Variants in TTC13 observed in about 807,000 individuals in gnomAD.
The protein encoded by TTC13 is tetratricopeptide repeat protein 13.
In TTC13, 62 loss-of-function variants were observed where a neutral mutation model predicts 120.0. The ratio of observed to expected loss-of-function variants is 0.52; its 90% confidence interval spans 0.42 to 0.64. The LOEUF (loss-of-function observed/expected upper bound fraction) is 0.64. Ranked by LOEUF, TTC13 falls within the 30% of genes least tolerant of loss-of-function variation. The pLI is 0.00. For missense variants in TTC13, 824 were observed against 1,050.2 expected (o/e 0.78, Z 2.98); for synonymous variants, 384 against 393.5 (o/e 0.98, Z 0.28).
rs746933681 is a variant in TTC13 at position 230,911,553 on chromosome 1, GA to G, written c.2230-5del. 2.7e-4 allele frequency: 396 copies of G among 1,493,892 alleles called. 3 individuals carry two copies. Among genetic ancestry groups the G allele is most frequent in the South Asian group, 2.3e-3 (191 of 82,196 alleles). 92.5% of individuals were successfully genotyped at this position (1,493,892 alleles called of 1,614,324 possible). The stretch of plus-strand genomic sequence containing the variant: ...AGTTGCAGACAGCATCAGCCTCCTA[GA>G]AAAAAAAGATACAGACTCATAAATA... On this transcript the variant is annotated splice_region_variant and splice_polypyrimidine_tract_variant and intron_variant, in intron 19 of 22. Coordinates refer to ENST00000366661, the MANE Select transcript of TTC13 (RefSeq NM_024525.5).
chr1:230,925,690 A>G (rs1433341120), intron 12 of TTC13, 43 bp from the exon 13 acceptor site: 2 of 1,608,214 alleles, frequency 1.2e-6, no homozygotes, highest in Admixed American at 1.7e-5. Flanking sequence ...TTTACAACAG[A>G]CATTTGGTAA....
chr1:230,922,677 T>C (rs557104632), intron 15 of TTC13, among the ~76,000 whole-genome samples: 3 of 152,280 alleles, frequency 2.0e-5, no homozygotes, highest in East Asian at 1.9e-4. Flanking sequence ...CCCACCTCTC[T>C]CTGTTTTCCA....
At position 230,974,543 on chromosome 1, in the gene TTC13, G is replaced by A. The variant is rs535825599; in HGVS notation, c.271+4017C>T. 2.0e-5 allele frequency among the ~76,000 whole-genome samples: 3 copies of A among 152,248 alleles called. No homozygotes were observed. The South Asian group carries it at 6.2e-4, about 32-fold the overall frequency. On this transcript the variant is annotated intron_variant, in intron 1 of 22. Transcript: ENST00000366661. The stretch of plus-strand genomic sequence containing the variant: ...CAGGTCTGTAGCCTAGAAGCAATAG[G>A]CTATACCATACAACCAAGGTGTGTA...
At chr1:230,975,709 G>C (rs1678230799) in intron 1 of TTC13, among the ~76,000 whole-genome samples, 1 of 152,124 alleles carries the variant, frequency 6.6e-6, no homozygotes, top group South Asian at 2.1e-4. Flanking sequence ...ATGTAAAAAT[G>C]TGGAGTAGAA....
chr1:230,955,315 T>G (rs1437045748), intron 3 of TTC13, among the ~76,000 whole-genome samples: 1 of 152,088 alleles, frequency 6.6e-6, no homozygotes, highest in Non-Finnish European at 1.5e-5. Context: ...TTCAAGAAGA[T>G]AGGCAATGAA....
chr1:230,972,181 A>G (rs1558228558), intron 1 of TTC13, among the ~76,000 whole-genome samples: 1 of 152,252 alleles, frequency 6.6e-6, no homozygotes, highest in Non-Finnish European at 1.5e-5. Flanking sequence ...AGTCCACTGC[A>G]TGGTGCTGGA....
At chr1:230,921,764 C>T (rs890257922) in intron 15 of TTC13, among the ~76,000 whole-genome samples, 8 of 152,294 alleles carry the variant, frequency 5.3e-5, no homozygotes, top group African/African-American at 1.9e-4. Flanking sequence ...ACAAATCCCC[C>T]AGCACTAAAG....
intron 17 of TTC13, chr1:230,920,182 G>A (rs1482190401): frequency 9.7e-6 from 2 of 205,498 alleles, no homozygotes; most frequent in Admixed American, 6.0e-5. Context: ...ATTAGCCAGT[G>A]CCTGAAAATA....
Position 230,912,058 on chromosome 1 carries a change from C to G in TTC13, c.2230-509G>C, listed in dbSNP as rs544655091. 2.0e-5 allele frequency among the ~76,000 whole-genome samples: 3 copies of G among 152,196 alleles called. No homozygotes were observed. The South Asian group carries it at 6.2e-4, about 32-fold the overall frequency. ...TGACTTTTCAAGGGTAAGGGGCACCCGTCCACTGCAGAACACAGAGAAGGG... is the reference window on the plus strand; with the variant it reads ...TGACTTTTCAAGGGTAAGGGGCACCGGTCCACTGCAGAACACAGAGAAGGG... On this transcript the variant is annotated intron_variant, in intron 19 of 22. Transcript: ENST00000366661.
intron 4 of TTC13, among the ~76,000 whole-genome samples, chr1:230,947,561 TAA>T (rs111729455): frequency 7.0e-6 from 1 of 143,152 alleles, no homozygotes. Context: ...ACTAATGAGC[TAA>T]AAAAAAAAAA....
chr1:230,957,269 T>A (rs1676178884), intron 3 of TTC13, among the ~76,000 whole-genome samples: 1 of 152,124 alleles, frequency 6.6e-6, no homozygotes. Flanking sequence ...AGTACTGGTC[T>A]CTACAAAACA....
Position 230,923,949 on chromosome 1 carries a change from CT to C in TTC13, c.1722-17del. 1 of 1,597,380 alleles carries C rather than the reference CT, an allele frequency of 6.3e-7. No homozygotes were observed. Among genetic ancestry groups the C allele is most frequent in the Non-Finnish European group, 8.6e-7 (1 of 1,167,600 alleles). On this transcript the variant is annotated splice_polypyrimidine_tract_variant and intron_variant, in intron 14 of 22. Transcript: ENST00000366661. ...GTCAGCAATCCTATAAAACAGAGAC[CT>C]TTATAAAACCAGAAGTGTTCAGAAG... is the stretch of plus-strand genomic sequence containing the variant.
intron 9 of TTC13, among the ~76,000 whole-genome samples, chr1:230,932,480 C>T (rs1353393756): frequency 2.0e-5 from 3 of 152,188 alleles, no homozygotes; most frequent in Admixed American, 1.3e-4. Flanking sequence ...GGTCTCACTG[C>T]ATTGCTCAGG....
rs145205225 is a variant in TTC13, at chr1:230,963,635, A to AAAATAAATAAATAAAT, written c.272-2348_272-2333dup. 7.9e-3 allele frequency among the ~76,000 whole-genome samples: 1,152 copies of AAAATAAATAAATAAAT among 146,166 alleles called. 15 individuals carry two copies. Among genetic ancestry groups the AAAATAAATAAATAAAT allele is most frequent in the African/African-American group, 0.027 (1,050 of 38,700 alleles). On this transcript the variant is annotated intron_variant, in intron 1 of 22. Transcript: ENST00000366661. ...GGATGACAGAGTAAGACCCTGTCTC[A>AAAATAAATAAATAAAT]AAATAAATAAATAAATAAATAAATA... is the stretch of plus-strand genomic sequence containing the variant.
intron 18 of TTC13, 28 bp downstream of exon 18, chr1:230,916,165 T>G: frequency 6.5e-7 from 1 of 1,536,940 alleles, no homozygotes; most frequent in Non-Finnish European, 9.0e-7. Context: ...CGTCTCTAGT[T>G]TACACCCACA....
At chr1:230,970,505 G>A (rs1162451532) in intron 1 of TTC13, among the ~76,000 whole-genome samples, 1 of 152,190 alleles carries the variant, frequency 6.6e-6, no homozygotes, top group Non-Finnish European at 1.5e-5. Flanking sequence ...AGCTGAACTA[G>A]GCAGAGGCAC....
At chr1:230,920,404 G>T in intron 17 of TTC13, 106 bp downstream of exon 17, 1 of 793,134 alleles carries the variant, frequency 1.3e-6, no homozygotes, top group Non-Finnish European at 2.1e-6. Context: ...GTGTTCATAC[G>T]AGTGATTTCA....
intron 1 of TTC13, among the ~76,000 whole-genome samples, chr1:230,975,941 C>T (rs1292436331): frequency 6.6e-6 from 1 of 152,218 alleles, no homozygotes; most frequent in Non-Finnish European, 1.5e-5. Context: ...CCACCAGCCA[C>T]TGTCCTTGTA....
chr1:230,963,906 T>G (rs910897740), intron 1 of TTC13, among the ~76,000 whole-genome samples: 1 of 152,076 alleles, frequency 6.6e-6, no homozygotes, highest in African/African-American at 2.4e-5. Context: ...ACGAAAGGCT[T>G]TAGTCCCACA....
Sources: allele counts gnomAD v4.1 joint callset (sites outside exome capture counted in the v4.1 genomes callset), GRCh38; gene constraint gnomAD v4.1.1; transcripts MANE v1.5; gene names NCBI Gene and HGNC (gene_info 2026-07-23, HGNC 2026-07-21).